Variants in SPTY2D1 observed in about 807,000 individuals in gnomAD.
SPTY2D1 encodes the protein SPT2 chromatin protein domain containing 1.
Under a neutral mutation model 64.0 loss-of-function variants are expected in SPTY2D1, and 21 were observed. The observed-to-expected ratio is 0.33, with a 90% CI of 0.23 to 0.47. The LOEUF is 0.47. Ranked by LOEUF, SPTY2D1 falls within the 20% of genes least tolerant of loss-of-function variation. The probability of loss-of-function intolerance (pLI) is 1.00; values close to 1 mark genes in which losing one functional copy is unlikely to be tolerated. For synonymous variants in SPTY2D1, 287 were observed against 286.8 expected, an observed-to-expected ratio of 1.00 and a Z score of -0.01; for missense variants, 724 against 837.2, an observed-to-expected ratio of 0.86 and a Z score of 1.67.
intron 1 of SPTY2D1, 84 bp from the exon 2 acceptor site, chr11:18,617,073 G>T: frequency 9.0e-7 from 1 of 1,114,404 alleles, no homozygotes; most frequent in East Asian, 2.4e-5. Context: ...CAGGTAATAA[G>T]AGGTATAAAT....
chr11:18,627,468 C>A (rs900634866), intron 1 of SPTY2D1, among the ~76,000 whole-genome samples: 4 of 151,602 alleles, frequency 2.6e-5, no homozygotes, highest in Non-Finnish European at 5.9e-5. Context: ...CTTCACCGGG[C>A]GTGGTGGCTC....
chr11:18,620,615 G>A (rs1003930647), intron 1 of SPTY2D1, among the ~76,000 whole-genome samples: 6 of 151,950 alleles, frequency 3.9e-5, no homozygotes, highest in Non-Finnish European at 7.4e-5. Flanking sequence ...AGCCGGGCAC[G>A]GTGGCTGACA....
At chr11:18,617,120 C>A in intron 1 of SPTY2D1, 131 bp from the exon 2 acceptor site, 1 of 659,248 alleles carries the variant, frequency 1.5e-6, no homozygotes, top group South Asian at 2.2e-5. Flanking sequence ...ATTGAGAGAT[C>A]ATATAACCCA....
At chr11:18,624,316 G>C (rs538679918) in intron 1 of SPTY2D1, among the ~76,000 whole-genome samples, 1 of 152,136 alleles carries the variant, frequency 6.6e-6, no homozygotes, top group African/African-American at 2.4e-5. Flanking sequence ...TTTAGCTCTA[G>C]CAGCAGCACA....
At chr11:18,623,439 A>G (rs562066829) in intron 1 of SPTY2D1, among the ~76,000 whole-genome samples, 2 of 151,704 alleles carry the variant, frequency 1.3e-5, no homozygotes, top group East Asian at 3.9e-4. Flanking sequence ...ATGAAATCGT[A>G]TAATATGTAG....
At position 18,634,303 on chromosome 11, in the gene SPTY2D1, TGACA is replaced by T; in HGVS notation, c.-50_-47del. ...ACTGGGCCAGGCACTCGGAAAGGAC[TGACA>T]GCGCACCTAACCGAGGCGCCCAGCT... On this transcript the variant is annotated 5_prime_UTR_variant, in exon 1 of 6. Transcript: ENST00000336349. 3 of 1,606,630 alleles carry T rather than the reference TGACA, an allele frequency of 1.9e-6. No individual in the cohort carries two copies. Among genetic ancestry groups the T allele is most frequent in the Non-Finnish European group, 1.7e-6 (2 of 1,173,960 alleles).
intron 1 of SPTY2D1, among the ~76,000 whole-genome samples, chr11:18,629,122 T>A (rs977170571): frequency 6.6e-6 from 1 of 152,194 alleles, no homozygotes; most frequent in Non-Finnish European, 1.5e-5. Flanking sequence ...ATACCAGAGC[T>A]TCAGCAGCTT....
Position 18,633,984 on chromosome 11 carries a change from C to A in SPTY2D1, c.60+214G>T, listed in dbSNP as rs538028425. 1.4e-4 allele frequency among the ~76,000 whole-genome samples: 21 copies of A among 152,278 alleles called. No homozygotes were observed. The South Asian group carries it at 4.4e-3, about 32-fold the overall frequency. ...GTCCCTGTTGCAGGGGTAAATAAGC[C>A]GGCGAAACCCATTCACAGGAAGGCT... On this transcript the variant is annotated intron_variant, in intron 1 of 5. Coordinates refer to ENST00000336349, the MANE Select transcript of SPTY2D1 (RefSeq NM_194285.3).
rs78310115 is a variant in SPTY2D1 at position 18,611,610 on chromosome 11, C to G, written c.1887-56G>C. 2.0e-3 allele frequency: 2,734 copies of G among 1,364,742 alleles called. 5 individuals carry two copies. The highest frequency in any genetic ancestry group is 2.6e-3 in the Non-Finnish European group (2,492 of 965,748). The allele number at this position is 1,364,742 out of a possible 1,614,324, so 84.5% of individuals were successfully genotyped here. A position where few individuals can be genotyped will look rare whatever the true frequency, so the allele number is the denominator to read the frequency against. ...AGAAAACTTCAATTTTCTAAAGGAA[C>G]TACGTCCTCTCATTTAAAAAATCAA... On this transcript the variant is annotated intron_variant, in intron 4 of 5. Transcript: ENST00000336349.
At position 18,614,654 on chromosome 11, in the gene SPTY2D1, T is replaced by C. The variant is rs748748786; in HGVS notation, c.1620A>G (p.Glu540=). Residue 540 remains glutamate, a synonymous_variant, in exon 3 of 6, where the codon GAA becomes GAG. Transcript: ENST00000336349. ...TAATGATATTCTTGGAAGAAATTGT[T>C]TCGGAGACAACAGTGCACTTAGGCT... is the stretch of plus-strand genomic sequence containing the variant. The part of the protein sequence containing the change: ...TIKPKCTVVS[E]TISSKNIISR... The C allele has an allele frequency of 1.9e-5, 30 of 1,614,130 alleles. No individual in the cohort carries two copies. Among genetic ancestry groups the C allele is most frequent in the Non-Finnish European group, 2.5e-5 (29 of 1,180,038 alleles).
chr11:18,622,394 T>A (rs1854425984), intron 1 of SPTY2D1, among the ~76,000 whole-genome samples: 1 of 151,654 alleles, frequency 6.6e-6, no homozygotes, highest in East Asian at 2.0e-4. Context: ...AGCCGGACAT[T>A]GTGACGCACG....
intron 1 of SPTY2D1, among the ~76,000 whole-genome samples, chr11:18,631,864 T>C (rs1366209723): frequency 6.6e-6 from 1 of 152,096 alleles, no homozygotes; most frequent in Non-Finnish European, 1.5e-5. Context: ...GCATGAAATT[T>C]GGCCGGGTGT....
Position 18,609,865 on chromosome 11 carries a change from C to A in SPTY2D1, c.2054G>T (p.Arg685Leu). Residue 685 changes from arginine to leucine, a missense_variant, in exon 6 of 6, where the codon CGT (arginine) becomes CTT (leucine). Transcript: ENST00000336349. Reference sequence around the variant, plus strand: ...TCACAAAAATAAAAGCAGCAGCTAACGCCTCTTCAGCTTCTTGGCCCTTCG... The same window carrying A: ...TCACAAAAATAAAAGCAGCAGCTAAAGCCTCTTCAGCTTCTTGGCCCTTCG... ...QRRRAKKLKR[R>L] is the part of the protein sequence containing the mutation. 1.9e-6 allele frequency: 3 copies of A among 1,614,050 alleles called. No individual in the cohort carries two copies. Among genetic ancestry groups the A allele is most frequent in the Non-Finnish European group, 2.5e-6 (3 of 1,179,978 alleles).
At chr11:18,624,245 A>C (rs1156848436) in intron 1 of SPTY2D1, among the ~76,000 whole-genome samples, 1 of 151,106 alleles carries the variant, frequency 6.6e-6, no homozygotes, top group South Asian at 2.1e-4. Flanking sequence ...GGATTACATT[A>C]TATTCTATTT....
Position 18,612,376 on chromosome 11 carries a change from T to C in SPTY2D1, c.1824A>G (p.Glu608=), listed in dbSNP as rs778669341. Residue 608 remains glutamate (E), a synonymous_variant, in exon 4 of 6, where the codon GAA becomes GAG. Coordinates refer to ENST00000336349, the MANE Select transcript of SPTY2D1 (RefSeq NM_194285.3). This position sits in a 1 kb window ranked among gnomAD's most constrained non-coding sequence, Gnocchi z 4.6. ...TGGATATTTCTTCCTGAGGCTCTCC[T>C]TCATCTTCAATAAAATCTTCCATTT... The part of the protein sequence containing the change: ...DSEMEDFIED[E]GEPQEEISKH... 6.2e-7 allele frequency: 1 copy of C among 1,611,776 alleles called. No homozygotes were observed. Among genetic ancestry groups the C allele is most frequent in the Non-Finnish European group, 8.5e-7 (1 of 1,178,698 alleles).
chr11:18,620,569 A>C (rs762646834), intron 1 of SPTY2D1, among the ~76,000 whole-genome samples: 2 of 152,034 alleles, frequency 1.3e-5, no homozygotes, highest in Non-Finnish European at 2.9e-5. Flanking sequence ...ACAACTAGTT[A>C]TATTTTTCCA....
chr11:18,619,915 A>T (rs936780400), intron 1 of SPTY2D1, among the ~76,000 whole-genome samples: 1 of 152,228 alleles, frequency 6.6e-6, no homozygotes, highest in East Asian at 1.9e-4. Context: ...TTTGCTGTCC[A>T]AATAACCCAG....
At chr11:18,616,692 G>C (rs1198832402) in intron 2 of SPTY2D1, among the ~76,000 whole-genome samples, 183 bp downstream of exon 2, 1 of 151,660 alleles carries the variant, frequency 6.6e-6, no homozygotes, top group Non-Finnish European at 1.5e-5. Context: ...AAATGATCGA[G>C]GTAACATATG....
rs1365329896 is a variant in SPTY2D1, at chr11:18,612,614, T to G, written c.1712-126A>C. Reference sequence around the variant, plus strand: ...AAAACCAGAGCAAGCAGGCTGGCCCTTAGCGCAGAGCCATCATCCTTGCTG... The same window carrying G: ...AAAACCAGAGCAAGCAGGCTGGCCCGTAGCGCAGAGCCATCATCCTTGCTG... On this transcript the variant is annotated intron_variant, in intron 3 of 5. Transcript: ENST00000336349. The surrounding 1 kb of genome is among the most constrained non-coding windows in gnomAD (Gnocchi z 4.6). The G allele has an allele frequency of 7.8e-6, 6 of 766,862 alleles. No homozygotes were observed. The highest frequency in any genetic ancestry group is 1.2e-5 in the Non-Finnish European group (6 of 521,358). 47.5% of individuals were successfully genotyped at this position (766,862 alleles called of 1,614,324 possible). A position where few individuals can be genotyped will look rare whatever the true frequency, so the allele number is the denominator to read the frequency against.
Sources: allele counts gnomAD v4.1 joint callset (sites outside exome capture counted in the v4.1 genomes callset), GRCh38; gene constraint gnomAD v4.1.1; non-coding constraint Gnocchi (gnomAD v3.1); transcripts MANE v1.5; gene names NCBI Gene and HGNC (gene_info 2026-07-23, HGNC 2026-07-21).